Variants in RCSD1 observed in about 807,000 individuals in gnomAD.
The protein encoded by RCSD1 is capZ-interacting protein.
Under a neutral mutation model 42.5 loss-of-function variants are expected in RCSD1, and 26 were observed. The observed-to-expected ratio is 0.61, with a 90% confidence interval of 0.45 to 0.85. The LOEUF (loss-of-function observed/expected upper bound fraction) is 0.85, where lower values mean the gene tolerates loss of function less well. RCSD1 is among the 40% of genes least tolerant of loss of function. RCSD1 has a pLI of 0.00. For synonymous variants in RCSD1, 220 were observed against 212.2 expected (o/e 1.04, Z -0.32); for missense variants, 571 against 528.3 (o/e 1.08, Z -0.79).
chr1:167,692,489 C>T (rs1354638173), intron 4 of RCSD1, among the ~76,000 whole-genome samples: 2 of 152,062 alleles, frequency 1.3e-5, no homozygotes, highest in East Asian at 1.9e-4. Flanking sequence ...CCAAATCCTC[C>T]CCTGGGTACT....
intron 1 of RCSD1, 93 bp from the exon 2 acceptor site, chr1:167,683,807 A>G (rs910605593): frequency 3.4e-6 from 4 of 1,175,362 alleles, no homozygotes; most frequent in Non-Finnish European, 2.5e-6. Flanking sequence ...CCTCACTGTC[A>G]CAGCATTCCT....
At chr1:167,684,504 G>A (rs569782769) in intron 2 of RCSD1, among the ~76,000 whole-genome samples, 2 of 151,428 alleles carry the variant, frequency 1.3e-5, no homozygotes, top group South Asian at 4.2e-4. Flanking sequence ...AGGAAAGTGT[G>A]ACAAGGGAGG....
Position 167,697,796 on chromosome 1 carries a change from A to G in RCSD1, c.1172A>G (p.Glu391Gly), listed in dbSNP as rs1659539154. 1 of 1,482,050 alleles carries G rather than the reference A, an allele frequency of 6.7e-7. No individual in the cohort carries two copies. The highest frequency in any genetic ancestry group is 8.9e-7 in the Non-Finnish European group (1 of 1,117,710). The allele number at this position is 1,482,050 out of a possible 1,614,324, so 91.8% of individuals were successfully genotyped here. The change falls in exon 6 of 7, where the codon GAG becomes GGG. Residue 391 changes from glutamate to glycine, a missense_variant. Transcript: ENST00000367854. ...CSPQTGPAQLETSSEVQSEPA... is the reference protein window; with the variant it reads ...CSPQTGPAQLGTSSEVQSEPA... The stretch of plus-strand genomic sequence containing the variant: ...CCCCAGACCGGCCCTGCCCAGCTGG[A>G]GACCAGCAGTGAGGTCCAGAGCGAG...
chr1:167,662,738 G>A, intron 1 of RCSD1, among the ~76,000 whole-genome samples: 1 of 152,240 alleles, frequency 6.6e-6, no homozygotes, highest in Admixed American at 6.5e-5. Flanking sequence ...GGAAGAGGAG[G>A]AGGAGGGATG....
At chr1:167,653,894 G>C (rs1329184090) in intron 1 of RCSD1, among the ~76,000 whole-genome samples, 1 of 152,180 alleles carries the variant, frequency 6.6e-6, no homozygotes, top group Admixed American at 6.5e-5. Context: ...AGGAAAATGC[G>C]TAATAGGTTC....
chr1:167,648,076 A>T (rs973037024), intron 1 of RCSD1, among the ~76,000 whole-genome samples: 6 of 152,222 alleles, frequency 3.9e-5, no homozygotes, highest in African/African-American at 1.4e-4. Flanking sequence ...ACATAATTTT[A>T]ATCAGTGTAT....
chr1:167,674,287 G>A (rs1367834789), intron 1 of RCSD1, among the ~76,000 whole-genome samples: 1 of 152,150 alleles, frequency 6.6e-6, no homozygotes, highest in Non-Finnish European at 1.5e-5. Context: ...GCTCAGATGT[G>A]TCTGCAGCTG....
chr1:167,680,020 C>A (rs1029313594), intron 1 of RCSD1, among the ~76,000 whole-genome samples: 1 of 152,132 alleles, frequency 6.6e-6, no homozygotes, highest in Non-Finnish European at 1.5e-5. Context: ...TTTCTCCTAG[C>A]CTTGGCAAAG....
At chr1:167,672,154 A>G (rs758756469) in intron 1 of RCSD1, among the ~76,000 whole-genome samples, 1 of 152,144 alleles carries the variant, frequency 6.6e-6, no homozygotes, top group Non-Finnish European at 1.5e-5. Context: ...TCTCCATATT[A>G]GCACCACTCA....
intron 1 of RCSD1, among the ~76,000 whole-genome samples, chr1:167,645,829 G>A (rs1658123812): frequency 6.6e-6 from 1 of 152,212 alleles, no homozygotes; most frequent in African/African-American, 2.4e-5. Context: ...GATGCAGTGA[G>A]GTGGTGCACA....
At position 167,701,252 on chromosome 1, in the gene RCSD1, G is replaced by GTTTGTTTGTTTC. The variant is rs1276194168; in HGVS notation, c.1219-3409_1219-3408insGTTTGTTTCTTT. Among the ~76,000 whole-genome samples, 202 of 96,102 alleles carry GTTTGTTTGTTTC rather than the reference G, an allele frequency of 2.1e-3. 1 individual carries two copies. Among genetic ancestry groups the GTTTGTTTGTTTC allele is most frequent in the Middle Eastern group, 4.4e-3 (1 of 228 alleles). 63.0% of individuals were successfully genotyped at this position (96,102 alleles called of 152,430 possible). ...TGACGCCACTTAACCCAATTGCCTA[G>GTTTGTTTGTTTC]TTTCTTTCTTTCTTTCTTTCTTTCT... On this transcript the variant is annotated intron_variant, in intron 6 of 6. Transcript: ENST00000367854.
At chr1:167,696,150 C>G (rs1659493406) in intron 5 of RCSD1, among the ~76,000 whole-genome samples, 1 of 151,560 alleles carries the variant, frequency 6.6e-6, no homozygotes, top group Admixed American at 6.6e-5. Context: ...CCCTGAGGTC[C>G]CTGCACCAGG....
chr1:167,678,870 A>G (rs1659012877), intron 1 of RCSD1, among the ~76,000 whole-genome samples: 1 of 152,168 alleles, frequency 6.6e-6, no homozygotes, highest in South Asian at 2.1e-4. Context: ...GCTTCTGCTC[A>G]GAACAATTTT....
At chr1:167,646,513 TTTTC>T (rs1658151535) in intron 1 of RCSD1, among the ~76,000 whole-genome samples, 18 of 151,660 alleles carry the variant, frequency 1.2e-4, no homozygotes, top group Admixed American at 1.2e-3. Context: ...TTTTTTTTCT[TTTTC>T]TTTTTCTTTT....
At chr1:167,696,264 T>G (rs1237734167) in intron 5 of RCSD1, among the ~76,000 whole-genome samples, 2 of 152,090 alleles carry the variant, frequency 1.3e-5, no homozygotes, top group African/African-American at 4.8e-5. Flanking sequence ...AATTTTACAG[T>G]GCAATAAAAT....
intron 3 of RCSD1, among the ~76,000 whole-genome samples, chr1:167,686,881 G>C (rs1426592587): frequency 6.6e-6 from 1 of 152,214 alleles, no homozygotes; most frequent in African/African-American, 2.4e-5. Context: ...CTTGGCCCAG[G>C]AGAAGTCACC....
rs1659798840 is a variant in RCSD1 at position 167,708,020 on chromosome 1, A to G, written c.*3324A>G. Among the ~76,000 whole-genome samples, 1 of 152,144 alleles carries G rather than the reference A, an allele frequency of 6.6e-6. No homozygotes were observed. The highest frequency in any genetic ancestry group is 2.1e-4 in the South Asian group (1 of 4,828). ...TCATTTTCTTAAGTAGGTTCTTCCC[A>G]GCCTGCAAACCCAGTGAAAGGGCTT... On this transcript the variant is annotated 3_prime_UTR_variant, in exon 7 of 7. Transcript: ENST00000367854.
intron 5 of RCSD1, among the ~76,000 whole-genome samples, chr1:167,694,943 C>A (rs1659461349): frequency 1.3e-5 from 2 of 152,162 alleles, no homozygotes; most frequent in African/African-American, 2.4e-5. Flanking sequence ...AGGTAGCCAA[C>A]AAATGTGTGC....
chr1:167,689,805 G>A (rs181106653), intron 3 of RCSD1, among the ~76,000 whole-genome samples: 1 of 152,190 alleles, frequency 6.6e-6, no homozygotes, highest in Non-Finnish European at 1.5e-5. Flanking sequence ...GAGACCTTCT[G>A]TGTTAAGGAT....
Sources: allele counts gnomAD v4.1 joint callset (sites outside exome capture counted in the v4.1 genomes callset), GRCh38; gene constraint gnomAD v4.1.1; transcripts MANE v1.5; gene names NCBI Gene and HGNC (gene_info 2026-07-23, HGNC 2026-07-21).